ANO4: variants seen among roughly 807,000 people sequenced by gnomAD.
The protein encoded by ANO4 is anoctamin-4.
A neutral mutation model predicts 141.9 loss-of-function variants in ANO4; 69 were observed. The ratio of observed to expected loss-of-function variants is 0.49; its 90% CI spans 0.40 to 0.59. The LOEUF (loss-of-function observed/expected upper bound fraction) is 0.59. ANO4 is among the 20% of genes least tolerant of loss of function. The pLI is 0.00. For synonymous variants in ANO4, 350 were observed against 394.3 expected, an observed-to-expected ratio of 0.89 and a Z score of 1.33; for missense variants, 894 against 1,162.2, an observed-to-expected ratio of 0.77 and a Z score of 3.36.
intron 26 of ANO4, among the ~76,000 whole-genome samples, chr12:101,126,253 T>C (rs759307967): frequency 2.6e-5 from 4 of 152,212 alleles, no homozygotes; most frequent in South Asian, 2.1e-4. Flanking sequence ...AGCCCTTAAA[T>C]TGTCATCTAG....
At chr12:101,052,136 G>A (rs2047898733) in intron 14 of ANO4, among the ~76,000 whole-genome samples, 1 of 152,066 alleles carries the variant, frequency 6.6e-6, no homozygotes, top group Non-Finnish European at 1.5e-5. Context: ...AAAATAATAA[G>A]GCTCCATCTG....
Position 101,086,194 on chromosome 12 carries a change from C to A in ANO4, c.1537-466C>A, listed in dbSNP as rs1593232386. ...AGTCTTGGCAATTAAGGGTGCTTAGCCCGTTTGATGTAATGAGAGAAGCTG... is the reference window on the plus strand; with the variant it reads ...AGTCTTGGCAATTAAGGGTGCTTAGACCGTTTGATGTAATGAGAGAAGCTG... On this transcript the variant is annotated intron_variant, in intron 16 of 27. Coordinates refer to ENST00000392977, the MANE Select transcript of ANO4 (RefSeq NM_001286615.2). Among the ~76,000 whole-genome samples, 3 of 150,928 alleles carry A rather than the reference C, an allele frequency of 2.0e-5. No individual in the cohort carries two copies. In the Admixed American group the frequency reaches 2.0e-4, roughly 10 times the overall value.
intron 8 of ANO4, among the ~76,000 whole-genome samples, chr12:101,018,812 A>G (rs2046407736): frequency 6.6e-6 from 1 of 152,184 alleles, no homozygotes; most frequent in African/African-American, 2.4e-5. Flanking sequence ...TTTCTCTGGC[A>G]TACACTCACA....
intron 7 of ANO4, among the ~76,000 whole-genome samples, chr12:100,978,871 T>C (rs1286933660): frequency 2.6e-5 from 4 of 152,162 alleles, no homozygotes; most frequent in Admixed American, 6.5e-5. Flanking sequence ...GTATTATAAC[T>C]CAACAGTAGA....
At chr12:100,724,222 A>G (rs2031002017) in intron 1 of ANO4, among the ~76,000 whole-genome samples, 1 of 152,244 alleles carries the variant, frequency 6.6e-6, no homozygotes, top group Admixed American at 6.5e-5. Context: ...GCCTGCTGCT[A>G]GAAGTGGAAT....
At chr12:101,071,166 G>A (rs1566205457) in intron 14 of ANO4, among the ~76,000 whole-genome samples, 1 of 152,036 alleles carries the variant, frequency 6.6e-6, no homozygotes, top group Admixed American at 6.6e-5. Flanking sequence ...TCATTATCAG[G>A]TATATATTCA....
At chr12:100,884,996 C>G (rs571117276) in intron 1 of ANO4, among the ~76,000 whole-genome samples, 1 of 152,200 alleles carries the variant, frequency 6.6e-6, no homozygotes, top group Non-Finnish European at 1.5e-5. Context: ...TACCCAGCCT[C>G]GGTGCCTTTT....
intron 9 of ANO4, among the ~76,000 whole-genome samples, chr12:101,030,037 T>G (rs892816891): frequency 2.0e-5 from 3 of 152,080 alleles, no homozygotes; most frequent in African/African-American, 7.2e-5. Context: ...AGTGGGAGAC[T>G]TTAACACTCC....
At chr12:100,904,287 A>G (rs998490803) in intron 2 of ANO4, among the ~76,000 whole-genome samples, 6 of 152,214 alleles carry the variant, frequency 3.9e-5, no homozygotes, top group Non-Finnish European at 8.8e-5. Context: ...AGTAGCTGCA[A>G]GAGATAATAA....
chr12:100,783,870 C>T (rs2033782208), intron 3 of ANO4, among the ~76,000 whole-genome samples: 1 of 152,082 alleles, frequency 6.6e-6, no homozygotes, highest in Non-Finnish European at 1.5e-5. Context: ...AGAAAACTGT[C>T]CATAAAGATC....
chr12:101,036,184 T>G (rs2047186215), intron 9 of ANO4, among the ~76,000 whole-genome samples: 1 of 152,150 alleles, frequency 6.6e-6, no homozygotes, highest in South Asian at 2.1e-4. Flanking sequence ...AGAATGGCTC[T>G]TATCAAAAAG....
At chr12:101,066,886 A>G (rs1360193523) in intron 14 of ANO4, 10 of 977,540 alleles carry the variant, frequency 1.0e-5, no homozygotes. Flanking sequence ...CAGTGCACAC[A>G]AAGACCACAC....
chr12:100,910,070 T>A (rs1043964930), intron 2 of ANO4, among the ~76,000 whole-genome samples: 13 of 152,180 alleles, frequency 8.5e-5, no homozygotes, highest in Admixed American at 8.5e-4. Flanking sequence ...ATTATATCGT[T>A]TGAAATTCAG....
chr12:100,868,798 G>A (rs1342149705), intron 1 of ANO4, among the ~76,000 whole-genome samples: 1 of 152,220 alleles, frequency 6.6e-6, no homozygotes, highest in Admixed American at 6.5e-5. Flanking sequence ...GCAGGGATCA[G>A]CTCAGGACCA....
chr12:100,717,733 C>T (rs2030669604), intron 1 of ANO4, among the ~76,000 whole-genome samples: 1 of 152,242 alleles, frequency 6.6e-6, no homozygotes, highest in Admixed American at 6.5e-5. Flanking sequence ...CCGCGGGTAA[C>T]CCGGGAACCG....
At chr12:100,941,954 AAAAATT>A (rs1284287978) in intron 4 of ANO4, among the ~76,000 whole-genome samples, 1 of 121,110 alleles carries the variant, frequency 8.3e-6, no homozygotes, top group African/African-American at 3.2e-5. Context: ...ACACAATGAA[AAAAATT>A]ATTATTATTA....
chr12:100,936,864 G>A (rs1425511052), intron 3 of ANO4, among the ~76,000 whole-genome samples: 37 of 152,198 alleles, frequency 2.4e-4, no homozygotes, highest in Non-Finnish European at 1.0e-4. Context: ...TGAGAGAGAA[G>A]TTTGCTATTC....
chr12:100,835,353 T>A (rs1313576293), intron 1 of ANO4, among the ~76,000 whole-genome samples: 1 of 152,042 alleles, frequency 6.6e-6, no homozygotes, highest in Non-Finnish European at 1.5e-5. Flanking sequence ...GGAGCAGGAT[T>A]TTCCTTAATC....
At chr12:101,096,726 G>A (rs1296136658) in intron 19 of ANO4, 79 bp downstream of exon 19, 5 of 1,085,780 alleles carry the variant, frequency 4.6e-6, no homozygotes, top group African/African-American at 3.1e-5. Context: ...GGACAGAGAA[G>A]CCCTCCCTTA....
Sources: gnomAD v4.1 joint callset for allele counts (sites outside exome capture counted in the v4.1 genomes callset) on GRCh38, gnomAD v4.1.1 for gene constraint, MANE v1.5 for transcripts, NCBI Gene and HGNC (gene_info 2026-07-23, HGNC 2026-07-21) for gene names.